The following MEGF11 variants were observed in gnomAD, a reference collection of about 807,000 sequenced individuals.
MEGF11 encodes the protein multiple epidermal growth factor-like domains protein 11.
Under a neutral mutation model 146.6 loss-of-function variants are expected in MEGF11, and 126 were observed. The observed-to-expected ratio is 0.86, with a 90% CI of 0.74 to 1.00. The LOEUF (loss-of-function observed/expected upper bound fraction) is 1.00, where lower values mean the gene tolerates loss of function less well. Among genes scored for constraint, MEGF11 ranks in the 50% least tolerant of loss-of-function variants. The probability of loss-of-function intolerance (pLI) is 0.00; values close to 1 mark genes in which losing one functional copy is unlikely to be tolerated. For synonymous variants in MEGF11, 532 were observed against 583.4 expected (o/e 0.91, Z 1.27); for missense variants, 1,509 against 1,521.2 (o/e 0.99, Z 0.13).
chr15:66,229,688 G>A (rs2091926560), intron 1 of MEGF11, among the ~76,000 whole-genome samples: 1 of 152,184 alleles, frequency 6.6e-6, no homozygotes. Context: ...GGGGAAGGAA[G>A]AGGAATGGCA....
chr15:65,997,520 C>T (rs1411251358), intron 5 of MEGF11, among the ~76,000 whole-genome samples: 1 of 152,172 alleles, frequency 6.6e-6, no homozygotes, highest in Admixed American at 6.5e-5. Flanking sequence ...TTACCCTTTC[C>T]AAGCTCTCTC....
At chr15:65,903,702 T>C (rs2078550821) in intron 24 of MEGF11, among the ~76,000 whole-genome samples, 1 of 152,264 alleles carries the variant, frequency 6.6e-6, no homozygotes, top group Non-Finnish European at 1.5e-5. Flanking sequence ...CTGATTTGGT[T>C]TGGCCCAGTA....
At chr15:66,204,792 A>G (rs960773512) in intron 1 of MEGF11, among the ~76,000 whole-genome samples, 1 of 152,170 alleles carries the variant, frequency 6.6e-6, no homozygotes, top group Non-Finnish European at 1.5e-5. Flanking sequence ...TTAAGGAAGG[A>G]TTTCCACTTC....
chr15:66,067,594 C>T (rs1048788637), intron 5 of MEGF11, among the ~76,000 whole-genome samples: 5 of 152,238 alleles, frequency 3.3e-5, no homozygotes, highest in Non-Finnish European at 5.9e-5. Context: ...CCAACCAGAC[C>T]TACAACACCT....
intron 5 of MEGF11, among the ~76,000 whole-genome samples, chr15:66,011,899 T>C (rs1432947118): frequency 6.6e-6 from 1 of 151,918 alleles, no homozygotes; most frequent in Non-Finnish European, 1.5e-5. Flanking sequence ...CAATAGCACA[T>C]AAATTATGTA....
chr15:66,069,922 A>T (rs561672185), intron 5 of MEGF11, among the ~76,000 whole-genome samples: 2 of 152,334 alleles, frequency 1.3e-5, no homozygotes, highest in East Asian at 3.8e-4. Flanking sequence ...CTGTGTTCCA[A>T]TAAAACTTTA....
chr15:66,026,088 C>T (rs1421618043), intron 5 of MEGF11, among the ~76,000 whole-genome samples: 3 of 152,198 alleles, frequency 2.0e-5, no homozygotes, highest in African/African-American at 7.2e-5. Flanking sequence ...TTCAGATCTC[C>T]GGGGATGGAG....
chr15:66,154,066 G>T (rs2089663193), intron 1 of MEGF11, among the ~76,000 whole-genome samples: 2 of 152,208 alleles, frequency 1.3e-5, no homozygotes, highest in South Asian at 2.1e-4. Flanking sequence ...TCAGTGGTCT[G>T]CTTCTCCAAA....
chr15:66,216,223 A>T (rs1013800963), intron 1 of MEGF11, among the ~76,000 whole-genome samples: 3 of 152,176 alleles, frequency 2.0e-5, no homozygotes, highest in African/African-American at 7.2e-5. Context: ...GTTGGCCTGG[A>T]GGAGTCTTTG....
At chr15:65,960,469 C>T (rs975358155) in intron 9 of MEGF11, among the ~76,000 whole-genome samples, 4 of 152,226 alleles carry the variant, frequency 2.6e-5, no homozygotes, top group Admixed American at 1.3e-4. Flanking sequence ...GTGGCCCTGA[C>T]GCTCTGCTAG....
chr15:66,038,109 A>G (rs333594), intron 5 of MEGF11, among the ~76,000 whole-genome samples: 147,539 of 152,322 alleles, frequency 0.97, 71,561 homozygotes, highest in Middle Eastern at 1. Flanking sequence ...CAAGCCCAGA[A>G]CCAGGGAGAG....
intron 5 of MEGF11, among the ~76,000 whole-genome samples, chr15:66,077,607 C>G (rs1473718592): frequency 6.6e-6 from 1 of 152,236 alleles, no homozygotes; most frequent in East Asian, 1.9e-4. Flanking sequence ...CTGCTTAGTA[C>G]CTTCCATGTG....
intron 1 of MEGF11, among the ~76,000 whole-genome samples, chr15:66,151,362 G>A (rs1337783145): frequency 6.6e-6 from 1 of 152,136 alleles, no homozygotes; most frequent in Non-Finnish European, 1.5e-5. Flanking sequence ...GCCACCTCGG[G>A]GGGAATTTAG....
At chr15:66,245,498 G>A (rs1437343548) in intron 1 of MEGF11, among the ~76,000 whole-genome samples, 2 of 151,892 alleles carry the variant, frequency 1.3e-5, no homozygotes, top group Non-Finnish European at 2.9e-5. Context: ...CAGGCATGGT[G>A]GCATACACCT....
intron 24 of MEGF11, among the ~76,000 whole-genome samples, chr15:65,900,574 T>C (rs2078470412): frequency 6.6e-6 from 1 of 152,234 alleles, no homozygotes; most frequent in Non-Finnish European, 1.5e-5. Context: ...TTCCTTCAAG[T>C]GTTCACACAA....
At chr15:66,006,172 T>C (rs2082514632) in intron 5 of MEGF11, among the ~76,000 whole-genome samples, 2 of 152,182 alleles carry the variant, frequency 1.3e-5, no homozygotes, top group East Asian at 1.9e-4. Context: ...TTGTTGTTGC[T>C]GTGAAGGAAG....
chr15:66,198,721 A>G (rs1165390013), intron 1 of MEGF11, among the ~76,000 whole-genome samples: 2 of 151,970 alleles, frequency 1.3e-5, no homozygotes, highest in Non-Finnish European at 2.9e-5. Context: ...CCTGACCTCA[A>G]ATGATCCACT....
chr15:66,088,364 C>T (rs971478936), intron 5 of MEGF11, among the ~76,000 whole-genome samples: 7 of 152,190 alleles, frequency 4.6e-5, no homozygotes, highest in African/African-American at 1.7e-4. Flanking sequence ...AAGGACATAA[C>T]CAAATGAGGG....
intron 7 of MEGF11, among the ~76,000 whole-genome samples, chr15:65,975,009 C>A (rs7497348): frequency 6.6e-6 from 1 of 152,020 alleles, no homozygotes; most frequent in Non-Finnish European, 1.5e-5. Context: ...CCACGCCCAG[C>A]TAATTTTTGG....
Sources: allele counts gnomAD v4.1 joint callset (sites outside exome capture counted in the v4.1 genomes callset), GRCh38; gene constraint gnomAD v4.1.1; transcripts MANE v1.5; gene names NCBI Gene and HGNC (gene_info 2026-07-23, HGNC 2026-07-21).